SNW1: variants seen among roughly 807,000 people sequenced by gnomAD.
The protein encoded by SNW1 is SNW domain-containing protein 1.
SNW1 carries 9 observed loss-of-function variants against 75.6 expected under a neutral mutation model. That is an observed-to-expected ratio of 0.12 (90% CI 0.07 to 0.21). The LOEUF (loss-of-function observed/expected upper bound fraction) is 0.21, where lower values mean the gene tolerates loss of function less well. Ranked by LOEUF, SNW1 falls within the 10% of genes least tolerant of loss-of-function variation. The pLI, the probability that SNW1 is intolerant of heterozygous loss-of-function variation, is 1.00. For synonymous variants in SNW1, 200 were observed against 219.1 expected, an observed-to-expected ratio of 0.91 and a Z score of 0.77; for missense variants, 409 against 670.9, an observed-to-expected ratio of 0.61 and a Z score of 4.31.
intron 7 of SNW1, 63 bp downstream of exon 7, chr14:77,735,874 G>T: frequency 8.0e-7 from 1 of 1,249,350 alleles, no homozygotes; most frequent in Non-Finnish European, 1.2e-6. Flanking sequence ...GGCATAGGGA[G>T]GTTATCTATA....
intron 3 of SNW1, among the ~76,000 whole-genome samples, chr14:77,744,487 GA>G (rs953066590): frequency 7.3e-6 from 1 of 137,684 alleles, no homozygotes; most frequent in African/African-American, 2.7e-5. Context: ...GAAAAGAAAA[GA>G]AAAAAAAGAG....
intron 10 of SNW1, among the ~76,000 whole-genome samples, chr14:77,729,597 GATCTAAT>G (rs1186344583): frequency 3.9e-5 from 6 of 152,104 alleles, no homozygotes; most frequent in African/African-American, 1.4e-4. Flanking sequence ...AAGTTCTGGA[GATCTAAT>G]ATACTGTATG....
At chr14:77,721,810 C>T (rs1429700549) in intron 11 of SNW1, among the ~76,000 whole-genome samples, 2 of 152,096 alleles carry the variant, frequency 1.3e-5, no homozygotes, top group South Asian at 2.1e-4. Flanking sequence ...TGCAGTGGCA[C>T]GATCTTGGCT....
chr14:77,751,826 ACACACACACACACACACAC>A (rs1340030709), intron 2 of SNW1, among the ~76,000 whole-genome samples: 27 of 122,278 alleles, frequency 2.2e-4, no homozygotes, highest in African/African-American at 7.7e-4. Flanking sequence ...ACACACACAC[ACACACACACACACACACAC>A]CACACACACA....
chr14:77,725,685 A>C (rs2139897227), intron 10 of SNW1, among the ~76,000 whole-genome samples: 1 of 152,276 alleles, frequency 6.6e-6, no homozygotes, highest in Admixed American at 6.5e-5. Context: ...TGGGAGGCTG[A>C]GGCGGGTGGA....
At chr14:77,757,862 CA>C (rs1566838244) in intron 1 of SNW1, among the ~76,000 whole-genome samples, 1 of 152,090 alleles carries the variant, frequency 6.6e-6, no homozygotes, top group African/African-American at 2.4e-5. Context: ...TTTTCTTAAA[CA>C]AGCCATCTCA....
At position 77,717,833 on chromosome 14, in the gene SNW1, C is replaced by T. The variant is rs1400593535; in HGVS notation, c.*255G>A. On this transcript the variant is annotated 3_prime_UTR_variant, in exon 14 of 14. Coordinates refer to ENST00000261531, the MANE Select transcript of SNW1 (RefSeq NM_012245.3). ...GTCACATAAAAGTAAGTGGTCTTGACTTTGTATGTGGGGCAGCATGTTCTA... is the reference window on the plus strand; with the variant it reads ...GTCACATAAAAGTAAGTGGTCTTGATTTTGTATGTGGGGCAGCATGTTCTA... 1 of 566,710 alleles carries T rather than the reference C, an allele frequency of 1.8e-6. No individual in the cohort carries two copies. Among genetic ancestry groups the T allele is most frequent in the African/African-American group, 1.9e-5 (1 of 53,476 alleles). 35.1% of individuals were successfully genotyped at this position (566,710 alleles called of 1,614,324 possible).
At chr14:77,731,805 CTTGGCTCACTG>C (rs1461162972) in intron 9 of SNW1, among the ~76,000 whole-genome samples, 1 of 152,146 alleles carries the variant, frequency 6.6e-6, no homozygotes, top group Non-Finnish European at 1.5e-5. Context: ...GTGGTGCGTT[CTTGGCTCACTG>C]CAACCTCCAC....
intron 2 of SNW1, among the ~76,000 whole-genome samples, chr14:77,751,805 GACACACACACAC>G (rs61135876): frequency 1.3e-3 from 175 of 139,532 alleles, no homozygotes; most frequent in Non-Finnish European, 2.1e-3. Context: ...GTCATGGGAA[GACACACACACAC>G]ACACACACAC....
At chr14:77,724,981 T>G (rs1033888402) in intron 10 of SNW1, among the ~76,000 whole-genome samples, 2 of 152,028 alleles carry the variant, frequency 1.3e-5, no homozygotes, top group African/African-American at 2.4e-5. Context: ...TGTACTAGTG[T>G]TCCCCCCCTT....
chr14:77,718,316 A>G (rs1213350137), intron 13 of SNW1, 30 bp from the exon 14 acceptor site: 12 of 1,614,014 alleles, frequency 7.4e-6, no homozygotes, highest in African/African-American at 1.3e-5. Flanking sequence ...ACTATGAACT[A>G]CTTTGCTTTC....
intron 3 of SNW1, among the ~76,000 whole-genome samples, chr14:77,740,135 T>TAAAA (rs1170373918): frequency 3.7e-4 from 24 of 65,178 alleles, no homozygotes; most frequent in Admixed American, 1.0e-3. Flanking sequence ...CACTGTATAT[T>TAAAA]AAAAAAAAAA....
Position 77,761,129 on chromosome 14 carries a change from T to G in SNW1, c.-2A>C. The stretch of plus-strand genomic sequence containing the variant: ...AACAACCCACCTGGTGAGCGCCATC[T>G]TCTTCCGCTTCTTCCAGCGCGAGCG... On this transcript the variant is annotated 5_prime_UTR_variant, in exon 1 of 14. Transcript: ENST00000261531. 1 of 1,614,238 alleles carries G rather than the reference T, an allele frequency of 6.2e-7. No individual in the cohort carries two copies. The highest frequency in any genetic ancestry group is 8.5e-7 in the Non-Finnish European group (1 of 1,180,034).
intron 12 of SNW1, among the ~76,000 whole-genome samples, chr14:77,719,271 T>C (rs145335777): frequency 1.3e-5 from 2 of 152,290 alleles, no homozygotes; most frequent in African/African-American, 4.8e-5. Context: ...CTTGAAAATA[T>C]TTACTTACGT....
intron 2 of SNW1, among the ~76,000 whole-genome samples, chr14:77,751,805 GACACACACACACACACACACACACACAC>G (rs61135876): frequency 1.4e-5 from 2 of 139,458 alleles, no homozygotes; most frequent in Admixed American, 1.5e-4. Context: ...GTCATGGGAA[GACACACACACACACACACACACACACAC>G]ACACACACAC....
chr14:77,739,969 C>T (rs1406000734), intron 3 of SNW1, among the ~76,000 whole-genome samples: 2 of 151,632 alleles, frequency 1.3e-5, no homozygotes, highest in Non-Finnish European at 2.9e-5. Flanking sequence ...CCCGTCTCTA[C>T]TAAAAATACA....
rs773838224 is a variant in SNW1, at chr14:77,732,481, C to T, written c.891+4G>A. On this transcript the variant is annotated splice_donor_region_variant and intron_variant, in intron 9 of 13. Coordinates refer to ENST00000261531, the MANE Select transcript of SNW1 (RefSeq NM_012245.3). ...GAGCATTAAACAAATTATAACAAAC[C>T]AACCTTCCGATCAGCAATGTAGAGG... The T allele has an allele frequency of 1.3e-6, 2 of 1,491,384 alleles. No homozygotes were observed. Among genetic ancestry groups the T allele is most frequent in the Admixed American group, 3.4e-5 (2 of 59,574 alleles). 92.4% of individuals were successfully genotyped at this position (1,491,384 alleles called of 1,614,324 possible).
chr14:77,730,733 G>T, intron 10 of SNW1: 1 of 346,242 alleles, frequency 2.9e-6, no homozygotes, highest in Non-Finnish European at 5.2e-6. Context: ...GAGTAATAAT[G>T]CAATTTTGAA....
At chr14:77,742,233 A>C (rs2080724770) in intron 3 of SNW1, among the ~76,000 whole-genome samples, 1 of 151,998 alleles carries the variant, frequency 6.6e-6, no homozygotes, top group Non-Finnish European at 1.5e-5. Context: ...ATGGGGTTTC[A>C]CCATGTTGGC....
Sources: allele counts gnomAD v4.1 joint callset (sites outside exome capture counted in the v4.1 genomes callset), GRCh38; gene constraint gnomAD v4.1.1; transcripts MANE v1.5; gene names NCBI Gene and HGNC (gene_info 2026-07-23, HGNC 2026-07-21).